MARK4: variants seen among roughly 807,000 people sequenced by gnomAD.
The protein encoded by MARK4 is microtubule affinity regulating kinase 4.
Under a neutral mutation model 81.5 loss-of-function variants are expected in MARK4, and 19 were observed. The observed-to-expected ratio is 0.23, with a 90% CI of 0.16 to 0.34. The LOEUF is 0.34. Among genes scored for constraint, MARK4 ranks in the 10% least tolerant of loss-of-function variants. The pLI, the probability that MARK4 is intolerant of heterozygous loss-of-function variation, is 1.00. For missense variants in MARK4, 772 were observed against 1,058.8 expected (o/e 0.73, Z 3.76); for synonymous variants, 436 against 439.0 (o/e 0.99, Z 0.08).
chr19:45,286,927 T>G (rs1186478652), intron 12 of MARK4, among the ~76,000 whole-genome samples: 1 of 152,208 alleles, frequency 6.6e-6, no homozygotes, highest in Non-Finnish European at 1.5e-5. Flanking sequence ...AAGATCATTC[T>G]GTACTGGTGC....
Position 45,271,395 on chromosome 19 carries a change from C to A in MARK4, c.550-77C>A, listed in dbSNP as rs1599786054. On this transcript the variant is annotated intron_variant, in intron 7 of 16. Transcript: ENST00000262891. This position sits in a 1 kb window ranked among gnomAD's most constrained non-coding sequence, Gnocchi z 4.1. Reference sequence around the variant, plus strand: ...CTGTGGGCCAGCCCTAGAGCCTGTGCTCCTGTCTGCCTCCCACGTCCATGA... The same window carrying A: ...CTGTGGGCCAGCCCTAGAGCCTGTGATCCTGTCTGCCTCCCACGTCCATGA... The A allele has an allele frequency of 7.0e-7, 1 of 1,431,432 alleles. No homozygotes were observed. The highest frequency in any genetic ancestry group is 9.7e-7 in the Non-Finnish European group (1 of 1,029,648). The allele number at this position is 1,431,432 out of a possible 1,614,324, so 88.7% of individuals were successfully genotyped here.
chr19:45,279,056 A>C (rs1970638608), intron 10 of MARK4, among the ~76,000 whole-genome samples: 1 of 148,002 alleles, frequency 6.8e-6, no homozygotes, highest in Non-Finnish European at 1.5e-5. Flanking sequence ...CTGTCTGTAC[A>C]AAAAAATAAA....
chr19:45,256,450 A>T (rs1353292563), intron 1 of MARK4, among the ~76,000 whole-genome samples: 3 of 152,206 alleles, frequency 2.0e-5, no homozygotes, highest in Non-Finnish European at 2.9e-5. Context: ...AAAGAAAAAA[A>T]ATAAGACTTG....
intron 12 of MARK4, among the ~76,000 whole-genome samples, chr19:45,283,952 CT>C (rs1167247221): frequency 1.3e-5 from 2 of 151,986 alleles, no homozygotes; most frequent in African/African-American, 2.4e-5. Flanking sequence ...CTTGTCTAAT[CT>C]TTTTTTTCTC....
chr19:45,258,528 C>T (rs184200657), intron 1 of MARK4, among the ~76,000 whole-genome samples: 30 of 151,884 alleles, frequency 2.0e-4, no homozygotes, highest in Non-Finnish European at 1.9e-4. Flanking sequence ...GGTGAAACCC[C>T]GTCTCTACTA....
rs781782422 is a variant in MARK4, at chr19:45,271,687, C to T, written c.765C>T (p.Pro255=). The change falls in exon 8 of 17, where the codon CCC becomes CCT. Residue 255 remains proline, a synonymous_variant. Coordinates refer to ENST00000262891, the MANE Select transcript of MARK4 (RefSeq NM_001199867.2). The surrounding 1 kb of genome is among the most constrained non-coding windows in gnomAD (Gnocchi z 4.1). ...ACACCCTCGTCAGCGGCTCCCTGCC[C>T]TTCGACGGGCACAACCTCAAGGTAC... ...ILYTLVSGSL[P]FDGHNLKELR... 4 of 1,614,122 alleles carry T rather than the reference C, an allele frequency of 2.5e-6. No individual in the cohort carries two copies. Among genetic ancestry groups the T allele is most frequent in the Non-Finnish European group, 3.4e-6 (4 of 1,180,004 alleles).
chr19:45,259,261 G>A (rs1314544253), intron 2 of MARK4, 72 bp downstream of exon 2: 92 of 1,530,966 alleles, frequency 6.0e-5, no homozygotes, highest in Admixed American at 1.9e-4. Context: ...TGTTGATAGA[G>A]GTCAGGATTG....
chr19:45,261,841 G>C (rs1970384543), intron 2 of MARK4, among the ~76,000 whole-genome samples: 1 of 152,102 alleles, frequency 6.6e-6, no homozygotes, highest in East Asian at 1.9e-4. Flanking sequence ...GCTGAGGCAG[G>C]AGAATCCCTT....
chr19:45,262,652 C>T (rs996729079), intron 2 of MARK4, among the ~76,000 whole-genome samples: 7 of 152,204 alleles, frequency 4.6e-5, no homozygotes, highest in African/African-American at 1.7e-4. Flanking sequence ...AAGGATATTT[C>T]TCTGCAGAAG....
chr19:45,273,841 A>T (rs1216203962), intron 8 of MARK4, among the ~76,000 whole-genome samples: 2 of 152,244 alleles, frequency 1.3e-5, no homozygotes, highest in African/African-American at 2.4e-5. Flanking sequence ...AGACCATCAA[A>T]GCGGAACCCT....
At chr19:45,262,052 A>G (rs1970387583) in intron 2 of MARK4, among the ~76,000 whole-genome samples, 1 of 152,216 alleles carries the variant, frequency 6.6e-6, no homozygotes, top group South Asian at 2.1e-4. Flanking sequence ...GGTAGATTCC[A>G]TCAGGCTGCA....
intron 14 of MARK4, 77 bp from the exon 15 acceptor site, chr19:45,297,599 G>A: frequency 1.2e-6 from 1 of 867,726 alleles, no homozygotes. Flanking sequence ...CTCAGGACAG[G>A]AATGTGAAGA....
intron 7 of MARK4, among the ~76,000 whole-genome samples, chr19:45,267,449 G>A (rs979372621): frequency 2.6e-5 from 4 of 152,168 alleles, no homozygotes; most frequent in Non-Finnish European, 4.4e-5. Flanking sequence ...TGTAGGAGCT[G>A]AGCCAGGCAG....
chr19:45,271,749 C>A lies in MARK4; in HGVS notation c.786+41C>A. The A allele has an allele frequency of 1.3e-6, 2 of 1,575,488 alleles. No individual in the cohort carries two copies. The highest frequency in any genetic ancestry group is 1.7e-6 in the Non-Finnish European group (2 of 1,151,770). Reference sequence around the variant, plus strand: ...GGGTGCAGGGGCATCAGCCCCTCCCCACAGTCAGGCCCCTATCCCCCCCAC... The same window carrying A: ...GGGTGCAGGGGCATCAGCCCCTCCCAACAGTCAGGCCCCTATCCCCCCCAC... On this transcript the variant is annotated intron_variant, in intron 8 of 16. Transcript: ENST00000262891. The surrounding 1 kb of genome is among the most constrained non-coding windows in gnomAD (Gnocchi z 4.1).
intron 7 of MARK4, among the ~76,000 whole-genome samples, chr19:45,268,527 T>C (rs1293356543): frequency 6.7e-6 from 1 of 150,236 alleles, no homozygotes; most frequent in African/African-American, 2.5e-5. Context: ...GAGGTTGCAG[T>C]GTGCCAAGAT....
At position 45,259,140 on chromosome 19, in the gene MARK4, G is replaced by A; in HGVS notation, c.203G>A (p.Gly68Asp). 6.2e-7 allele frequency: 1 copy of A among 1,614,178 alleles called. No individual in the cohort carries two copies. Among genetic ancestry groups the A allele is most frequent in the Non-Finnish European group, 8.5e-7 (1 of 1,180,030 alleles). Residue 68 changes from glycine (G) to aspartate (D), a missense_variant, in exon 2 of 17, where the codon GGC (glycine) becomes GAC (aspartate). By Grantham distance (94) the Gly-to-Asp change is moderately conservative (BLOSUM62 -1). Coordinates refer to ENST00000262891, the MANE Select transcript of MARK4 (RefSeq NM_001199867.2). ...NYRLLRTIGK[G>D]NFAKVKLARH... Reference sequence around the variant, plus strand: ...CGCCTGCTGAGGACCATTGGGAAGGGCAACTTTGCCAAAGTCAAGCTGGCT... The same window carrying A: ...CGCCTGCTGAGGACCATTGGGAAGGACAACTTTGCCAAAGTCAAGCTGGCT...
chr19:45,272,080 C>G (rs1363153443), intron 8 of MARK4, among the ~76,000 whole-genome samples: 2 of 152,158 alleles, frequency 1.3e-5, no homozygotes, highest in Non-Finnish European at 2.9e-5. Context: ...GCCTATAATC[C>G]CAGCACTTTG....
chr19:45,294,575 C>A, intron 14 of MARK4, 123 bp downstream of exon 14: 1 of 806,196 alleles, frequency 1.2e-6, no homozygotes, highest in Non-Finnish European at 2.0e-6. Context: ...GTGAGTGTAT[C>A]TGCCCTGCCC....
Position 45,297,618 on chromosome 19 carries a change from G to A in MARK4, c.1599-58G>A, listed in dbSNP as rs534138395. 389 of 1,118,794 alleles carry A rather than the reference G, an allele frequency of 3.5e-4. 1 individual carries two copies. In the African/African-American group the frequency reaches 5.7e-3, roughly 16 times the overall value. 69.3% of individuals were successfully genotyped at this position (1,118,794 alleles called of 1,614,324 possible). A position where few individuals can be genotyped will look rare whatever the true frequency, so the allele number is the denominator to read the frequency against. The stretch of plus-strand genomic sequence containing the variant: ...GGACAGGAATGTGAAGAATCAAAGG[G>A]ACTGGGGCCCTGGCCTGCCTCAGTC... On this transcript the variant is annotated intron_variant, in intron 14 of 16. Coordinates refer to ENST00000262891, the MANE Select transcript of MARK4 (RefSeq NM_001199867.2).
Sources: allele counts gnomAD v4.1 joint callset (sites outside exome capture counted in the v4.1 genomes callset), GRCh38; gene constraint gnomAD v4.1.1; non-coding constraint Gnocchi (gnomAD v3.1); transcripts MANE v1.5; gene names NCBI Gene and HGNC (gene_info 2026-07-23, HGNC 2026-07-21).